Variants in RAB19 observed in about 807,000 individuals in gnomAD.
RAB19 encodes ras-related protein Rab-19.
In RAB19, 21 loss-of-function variants were observed where a neutral mutation model predicts 17.3. The observed-to-expected ratio is 1.21, with a 90% CI of 0.86 to 1.74. RAB19 has a LOEUF of 1.74. RAB19 is among the 40% of genes most tolerant of loss of function. The pLI is 0.00. For synonymous variants in RAB19, 126 were observed against 110.4 expected, an observed-to-expected ratio of 1.14 and a Z score of -0.88; for missense variants, 277 against 286.8, an observed-to-expected ratio of 0.97 and a Z score of 0.25.
At chr7:140,410,700 C>A (rs959481562) in intron 2 of RAB19, among the ~76,000 whole-genome samples, 1 of 57,840 alleles carries the variant, frequency 1.7e-5, no homozygotes, top group African/African-American at 5.5e-5. Context: ...CTTAAGCGAT[C>A]CGCCACCTCA....
At chr7:140,411,634 C>G (rs1490286251) in intron 2 of RAB19, among the ~76,000 whole-genome samples, 1 of 152,040 alleles carries the variant, frequency 6.6e-6, no homozygotes, top group African/African-American at 2.4e-5. Context: ...CCAAATGTGT[C>G]CCGTGGGTTG....
chr7:140,414,299 C>T (rs1799417083), intron 3 of RAB19, among the ~76,000 whole-genome samples: 1 of 152,148 alleles, frequency 6.6e-6, no homozygotes, highest in African/African-American at 2.4e-5. Flanking sequence ...ACCTCAGCCT[C>T]CCAAAGTGCT....
At chr7:140,407,305 C>T (rs1799261493) in intron 1 of RAB19, among the ~76,000 whole-genome samples, 1 of 152,150 alleles carries the variant, frequency 6.6e-6, no homozygotes, top group African/African-American at 2.4e-5. Context: ...CTCCTGCTCT[C>T]CGGGCACTCT....
intron 1 of RAB19, among the ~76,000 whole-genome samples, chr7:140,407,307 G>T (rs948907199): frequency 2.6e-5 from 4 of 152,070 alleles, no homozygotes; most frequent in Admixed American, 2.6e-4. Context: ...CCTGCTCTCC[G>T]GGCACTCTGA....
At position 140,418,440 on chromosome 7, in the gene RAB19, T is replaced by C. The variant is rs112571103; in HGVS notation, c.385+6383T>C. ...AAAAAAAATTAGCCGGGCGTGGCAG[T>C]ATGCACCTGTATGTAGTCCCAGCTA... On this transcript the variant is annotated intron_variant, in intron 3 of 3. Coordinates refer to ENST00000537763, the MANE Select transcript of RAB19 (RefSeq NM_001008749.3). Among the ~76,000 whole-genome samples, 1,191 of 145,828 alleles carry C rather than the reference T, an allele frequency of 8.2e-3. 15 individuals are homozygous for C. The highest frequency in any genetic ancestry group is 0.029 in the African/African-American group (1,146 of 39,270).
At chr7:140,422,837 G>A (rs770836604) in intron 3 of RAB19, among the ~76,000 whole-genome samples, 24 of 152,272 alleles carry the variant, frequency 1.6e-4, no homozygotes, top group East Asian at 5.8e-4. Context: ...GCCAGGCACC[G>A]TGGCTCACAC....
Position 140,422,388 on chromosome 7 carries a change from C to CA in RAB19, c.386-3484dup, listed in dbSNP as rs574550720. 2.7e-3 allele frequency among the ~76,000 whole-genome samples: 393 copies of CA among 145,738 alleles called. 2 individuals carry two copies. Among genetic ancestry groups the CA allele is most frequent in the South Asian group, 0.021 (94 of 4,544 alleles). ...TGGGCAACAGAGTGAGACGCTGTCT[C>CA]AAAAAAAAAAGGCAACATTTTCCAC... On this transcript the variant is annotated intron_variant, in intron 3 of 3. Transcript: ENST00000537763.
At chr7:140,417,468 C>T (rs530142139) in intron 3 of RAB19, among the ~76,000 whole-genome samples, 4 of 152,050 alleles carry the variant, frequency 2.6e-5, no homozygotes, top group South Asian at 4.2e-4. Context: ...AGATTCCTGG[C>T]TGCAGGGGTT....
chr7:140,424,817 G>T (rs979900063), intron 3 of RAB19, among the ~76,000 whole-genome samples: 16 of 151,890 alleles, frequency 1.1e-4, no homozygotes, highest in African/African-American at 2.9e-4. Context: ...TGTGGGGACA[G>T]GAATGAAAAC....
intron 3 of RAB19, among the ~76,000 whole-genome samples, chr7:140,422,091 A>G (rs1029881595): frequency 6.6e-6 from 1 of 152,202 alleles, no homozygotes; most frequent in Non-Finnish European, 1.5e-5. Context: ...ACCATTTACT[A>G]AAAAGGCAAC....
intron 3 of RAB19, among the ~76,000 whole-genome samples, chr7:140,417,928 A>C (rs1022977683): frequency 1.3e-5 from 2 of 152,118 alleles, no homozygotes; most frequent in African/African-American, 4.8e-5. Flanking sequence ...TAATCTCCCC[A>C]TCTCAAGATC....
chr7:140,410,639 C>T (rs902525159), intron 2 of RAB19, among the ~76,000 whole-genome samples: 5 of 151,508 alleles, frequency 3.3e-5, no homozygotes, highest in Non-Finnish European at 5.9e-5. Flanking sequence ...TTGTATTTTT[C>T]GTACAGATGG....
intron 3 of RAB19, among the ~76,000 whole-genome samples, chr7:140,414,473 T>C (rs1295394543): frequency 6.6e-6 from 1 of 152,174 alleles, no homozygotes. Flanking sequence ...GATGCCAGGA[T>C]GTTGCAGGAT....
intron 3 of RAB19, 36 bp downstream of exon 3, chr7:140,412,093 T>C: frequency 6.3e-7 from 1 of 1,574,988 alleles, no homozygotes. Context: ...TTTTGTTTAC[T>C]CTCCTCTGAG....
intron 2 of RAB19, chr7:140,411,037 G>T (rs1156493335): frequency 7.3e-7 from 1 of 1,367,680 alleles, no homozygotes; most frequent in South Asian, 1.1e-5. Flanking sequence ...CAAAAGATGA[G>T]CCCCCAAATC....
intron 2 of RAB19, among the ~76,000 whole-genome samples, chr7:140,411,357 G>A (rs928508317): frequency 5.3e-5 from 8 of 152,104 alleles, no homozygotes; most frequent in Non-Finnish European, 1.0e-4. Context: ...CTGAGATGGC[G>A]CCACTGCACG....
intron 3 of RAB19, among the ~76,000 whole-genome samples, chr7:140,422,380 C>T (rs1048697840): frequency 2.0e-5 from 3 of 151,764 alleles, no homozygotes; most frequent in African/African-American, 7.3e-5. Context: ...CAGAGTGAGA[C>T]GCTGTCTCAA....
rs957700203 is a variant in RAB19, at chr7:140,415,785, G to A, written c.385+3728G>A. Among the ~76,000 whole-genome samples, 146 of 149,234 alleles carry A rather than the reference G, an allele frequency of 9.8e-4. 1 individual carries two copies. The highest frequency in any genetic ancestry group is 3.5e-3 in the African/African-American group (141 of 40,834). On this transcript the variant is annotated intron_variant, in intron 3 of 3. Coordinates refer to ENST00000537763, the MANE Select transcript of RAB19 (RefSeq NM_001008749.3). Reference sequence around the variant, plus strand: ...CCAGATGTGGTGGTGCACGCCTGGAGTCCCAGCTACTCAGGAGGCTGAGGC... The same window carrying A: ...CCAGATGTGGTGGTGCACGCCTGGAATCCCAGCTACTCAGGAGGCTGAGGC...
At chr7:140,415,062 TTTTC>T (rs932950267) in intron 3 of RAB19, among the ~76,000 whole-genome samples, 2 of 149,776 alleles carry the variant, frequency 1.3e-5, no homozygotes, top group African/African-American at 5.0e-5. Flanking sequence ...ACCTCTTTTT[TTTTC>T]TTTTCTTTTC....
Sources: gnomAD v4.1 joint callset for allele counts (sites outside exome capture counted in the v4.1 genomes callset) on GRCh38, gnomAD v4.1.1 for gene constraint, MANE v1.5 for transcripts, NCBI Gene and HGNC (gene_info 2026-07-23, HGNC 2026-07-21) for gene names.